KCND2: variants seen among roughly 807,000 people sequenced by gnomAD.
KCND2 encodes potassium voltage-gated channel subfamily D member 2.
A neutral mutation model predicts 54.4 loss-of-function variants in KCND2; 16 were observed. That is an observed-to-expected ratio of 0.29 (90% CI 0.20 to 0.45). The LOEUF (loss-of-function observed/expected upper bound fraction) is 0.45. KCND2 is among the 20% of genes least tolerant of loss of function. The pLI, the probability that KCND2 is intolerant of heterozygous loss-of-function variation, is 1.00. For missense variants in KCND2, 486 were observed against 824.2 expected (o/e 0.59, Z 5.02); for synonymous variants, 317 against 310.7 (o/e 1.02, Z -0.21).
intron 1 of KCND2, among the ~76,000 whole-genome samples, chr7:120,329,167 G>A (rs887673006): frequency 4.0e-5 from 6 of 150,012 alleles, no homozygotes; most frequent in African/African-American, 1.5e-4. Flanking sequence ...TCTTGCCCAG[G>A]CTGGAGTGCA....
At chr7:120,540,483 A>C (rs1430086793) in intron 1 of KCND2, among the ~76,000 whole-genome samples, 1 of 152,174 alleles carries the variant, frequency 6.6e-6, no homozygotes, top group African/African-American at 2.4e-5. Flanking sequence ...TACCTTGTTG[A>C]TACACTAGCT....
intron 1 of KCND2, among the ~76,000 whole-genome samples, chr7:120,487,170 G>A (rs1802706719): frequency 6.6e-6 from 1 of 152,064 alleles, no homozygotes; most frequent in South Asian, 2.1e-4. Context: ...AACAGGTTTG[G>A]TTTTCTTGCC....
At chr7:120,391,982 A>G (rs1395315458) in intron 1 of KCND2, among the ~76,000 whole-genome samples, 4 of 151,784 alleles carry the variant, frequency 2.6e-5, no homozygotes, top group Middle Eastern at 3.4e-3. Flanking sequence ...TATTCATGCA[A>G]TCTTTGCCCG....
intron 1 of KCND2, among the ~76,000 whole-genome samples, chr7:120,591,360 A>G (rs182121997): frequency 1.6e-4 from 25 of 152,330 alleles, no homozygotes; most frequent in African/African-American, 5.5e-4. Context: ...ATATGATTTC[A>G]TAGAAAGTGT....
intron 1 of KCND2, among the ~76,000 whole-genome samples, chr7:120,339,291 T>A (rs1424668543): frequency 1.3e-5 from 2 of 152,046 alleles, no homozygotes; most frequent in Non-Finnish European, 2.9e-5. Context: ...CCCCCATTAC[T>A]GCAGTATTCA....
At chr7:120,392,898 A>G (rs953508362) in intron 1 of KCND2, among the ~76,000 whole-genome samples, 1 of 152,036 alleles carries the variant, frequency 6.6e-6, no homozygotes, top group Admixed American at 6.6e-5. Context: ...ACCAATCACT[A>G]TGTGTACACT....
chr7:120,506,419 C>T (rs2116324511), intron 1 of KCND2, among the ~76,000 whole-genome samples: 1 of 151,904 alleles, frequency 6.6e-6, no homozygotes, highest in African/African-American at 2.4e-5. Context: ...AGATTGCATA[C>T]AGATGAGATA....
chr7:120,651,663 G>T (rs936863351), intron 1 of KCND2, among the ~76,000 whole-genome samples: 4 of 152,174 alleles, frequency 2.6e-5, no homozygotes, highest in African/African-American at 9.7e-5. Flanking sequence ...GATGAACCTG[G>T]TATCTCGGTT....
Position 120,719,676 on chromosome 7 carries a change from T to TA in KCND2, c.1116-13220dup, listed in dbSNP as rs561861315. On this transcript the variant is annotated intron_variant, in intron 1 of 5. Transcript: ENST00000331113. ...AGCTATAGACTTTCATTAGCATGAT[T>TA]AAAAAAACGCCAAAATAAAACAACA... 3.7e-4 allele frequency among the ~76,000 whole-genome samples: 56 copies of TA among 152,134 alleles called. No individual in the cohort carries two copies. In the East Asian group the frequency reaches 6.8e-3, roughly 18 times the overall value.
Position 120,305,588 on chromosome 7 carries a change from T to C in KCND2, c.1115+29841T>C, listed in dbSNP as rs545329110. Among the ~76,000 whole-genome samples the C allele has an allele frequency of 1.2e-4, 18 of 152,298 alleles. No individual in the cohort carries two copies. In the South Asian group the frequency reaches 3.7e-3, roughly 32 times the overall value. On this transcript the variant is annotated intron_variant, in intron 1 of 5. Coordinates refer to ENST00000331113, the MANE Select transcript of KCND2 (RefSeq NM_012281.3). ...TGTGTCTTTCAAAGCACATTGCTAT[T>C]TGCATTTTACATTTTCCTATTCAAA...
intron 1 of KCND2, among the ~76,000 whole-genome samples, chr7:120,722,741 A>T (rs1367784406): frequency 6.6e-6 from 1 of 152,168 alleles, no homozygotes; most frequent in African/African-American, 2.4e-5. Flanking sequence ...ATGGGGGAAA[A>T]AAATTTCAAA....
chr7:120,340,370 A>G (rs1277706727), intron 1 of KCND2, among the ~76,000 whole-genome samples: 7 of 152,202 alleles, frequency 4.6e-5, no homozygotes, highest in African/African-American at 1.2e-4. Context: ...TGAAGCCAGC[A>G]TGTTTGTTTC....
intron 1 of KCND2, among the ~76,000 whole-genome samples, chr7:120,334,858 C>G (rs1800121928): frequency 6.6e-6 from 1 of 152,122 alleles, no homozygotes; most frequent in Non-Finnish European, 1.5e-5. Context: ...TTACAGTAAA[C>G]AGAGAAAAGT....
intron 1 of KCND2, among the ~76,000 whole-genome samples, chr7:120,340,907 T>A (rs1318815035): frequency 6.6e-6 from 1 of 152,210 alleles, no homozygotes; most frequent in Non-Finnish European, 1.5e-5. Context: ...AAGAATAACA[T>A]TTTTGTTTTG....
intron 1 of KCND2, among the ~76,000 whole-genome samples, chr7:120,433,623 A>C (rs1801825431): frequency 6.6e-6 from 1 of 152,208 alleles, no homozygotes; most frequent in African/African-American, 2.4e-5. Flanking sequence ...ATTGCCTGGC[A>C]TGTAGTAAAT....
At chr7:120,278,949 G>T (rs1799222047) in intron 1 of KCND2, among the ~76,000 whole-genome samples, 1 of 151,412 alleles carries the variant, frequency 6.6e-6, no homozygotes, top group South Asian at 2.1e-4. Flanking sequence ...CATTTCACAG[G>T]TCCCTGAATC....
chr7:120,303,891 G>A (rs1052537550), intron 1 of KCND2, among the ~76,000 whole-genome samples: 5 of 152,102 alleles, frequency 3.3e-5, no homozygotes, highest in African/African-American at 7.2e-5. Flanking sequence ...TGGCTGTGGG[G>A]AGTGTTAAAT....
intron 1 of KCND2, among the ~76,000 whole-genome samples, chr7:120,338,185 CTT>C (rs1461394576): frequency 6.6e-6 from 1 of 151,916 alleles, no homozygotes; most frequent in Non-Finnish European, 1.5e-5. Context: ...TCATTTGTGT[CTT>C]AGTGTGGTAC....
chr7:120,448,016 A>G (rs981080262), intron 1 of KCND2, among the ~76,000 whole-genome samples: 1 of 152,190 alleles, frequency 6.6e-6, no homozygotes, highest in Non-Finnish European at 1.5e-5. Flanking sequence ...ACTGGACCCA[A>G]AAAACCTTGA....
Sources: gnomAD v4.1 joint callset for allele counts (sites outside exome capture counted in the v4.1 genomes callset) on GRCh38, gnomAD v4.1.1 for gene constraint, MANE v1.5 for transcripts, NCBI Gene and HGNC (gene_info 2026-07-23, HGNC 2026-07-21) for gene names.